Variants in OXSR1 observed in about 807,000 individuals in gnomAD.
The protein encoded by OXSR1 is serine/threonine-protein kinase OSR1.
A neutral mutation model predicts 79.8 loss-of-function variants in OXSR1; 24 were observed. The ratio of observed to expected loss-of-function variants is 0.30; its 90% CI spans 0.22 to 0.42. OXSR1 has a LOEUF of 0.42. Among genes scored for constraint, OXSR1 ranks in the 10% least tolerant of loss-of-function variants. OXSR1 has a pLI of 1.00. For missense variants in OXSR1, 430 were observed against 618.4 expected (o/e 0.70, Z 3.23); for synonymous variants, 226 against 209.2 (o/e 1.08, Z -0.69).
At chr3:38,244,693 A>G (rs371243858) in intron 12 of OXSR1, among the ~76,000 whole-genome samples, 13 of 119,740 alleles carry the variant, frequency 1.1e-4, no homozygotes, top group Non-Finnish European at 1.7e-4. Context: ...CATTTTATTC[A>G]TCTGTCAGTG....
chr3:38,244,939 C>T (rs1456650615), intron 12 of OXSR1, among the ~76,000 whole-genome samples: 1 of 152,054 alleles, frequency 6.6e-6, no homozygotes, highest in Non-Finnish European at 1.5e-5. Context: ...TCTGTGCATC[C>T]TCTCATTACT....
chr3:38,236,303 GAACACATGTTCAAGAGATGAATGTCCAA>G (rs1488521693), intron 10 of OXSR1, among the ~76,000 whole-genome samples: 2 of 152,090 alleles, frequency 1.3e-5, no homozygotes, highest in East Asian at 3.8e-4. Context: ...ATAATGATAG[GAACACATGTTCAAGAGATGAATGTCCAA>G]AAAAGATTAG....
intron 11 of OXSR1, among the ~76,000 whole-genome samples, chr3:38,240,649 T>A (rs1703013299): frequency 6.8e-6 from 1 of 148,078 alleles, no homozygotes; most frequent in Non-Finnish European, 1.5e-5. Flanking sequence ...GCAGGGAAAA[T>A]ATAAGGGGAA....
intron 1 of OXSR1, among the ~76,000 whole-genome samples, chr3:38,166,983 A>G (rs1459589753): frequency 6.6e-6 from 1 of 152,050 alleles, no homozygotes; most frequent in East Asian, 1.9e-4. Flanking sequence ...CCTCGGGAAG[A>G]TTTTTCCTTA....
intron 8 of OXSR1, among the ~76,000 whole-genome samples, chr3:38,229,311 C>T (rs1357426376): frequency 1.3e-5 from 2 of 151,554 alleles, no homozygotes; most frequent in South Asian, 2.1e-4. Context: ...TATTTTTATG[C>T]CTTGCTAAAA....
Position 38,212,706 on chromosome 3 carries a change from G to A in OXSR1, c.435-3390G>A, listed in dbSNP as rs559829459. ...TTTAGAAGGAGTGTGTAACTTTGGG[G>A]CAACAGTGACATGTGAGAAATGACA... On this transcript the variant is annotated intron_variant, in intron 4 of 17. Transcript: ENST00000311806. Among the ~76,000 whole-genome samples the A allele has an allele frequency of 1.1e-4, 17 of 152,226 alleles. No homozygotes were observed. The South Asian group carries it at 3.5e-3, about 32-fold the overall frequency.
At chr3:38,230,129 A>G (rs1338809737) in intron 9 of OXSR1, among the ~76,000 whole-genome samples, 1 of 152,190 alleles carries the variant, frequency 6.6e-6, no homozygotes, top group Non-Finnish European at 1.5e-5. Flanking sequence ...CAGTACAGCA[A>G]ACTCTTCATA....
At chr3:38,168,079 T>G (rs1200529432) in intron 1 of OXSR1, among the ~76,000 whole-genome samples, 1 of 151,912 alleles carries the variant, frequency 6.6e-6, no homozygotes, top group Non-Finnish European at 1.5e-5. Context: ...CAAAAGGGAG[T>G]CTCTCAGTCT....
chr3:38,208,995 CG>C (rs1702327569), intron 4 of OXSR1, among the ~76,000 whole-genome samples: 2 of 150,976 alleles, frequency 1.3e-5, no homozygotes, highest in African/African-American at 4.9e-5. Flanking sequence ...TGCGCGCGCG[CG>C]TGCGCGCATG....
At chr3:38,168,313 C>T (rs1444124770) in intron 1 of OXSR1, among the ~76,000 whole-genome samples, 2 of 152,162 alleles carry the variant, frequency 1.3e-5, no homozygotes, top group African/African-American at 4.8e-5. Flanking sequence ...ATATTTCCAT[C>T]ATCCCCGTGA....
At position 38,214,306 on chromosome 3, in the gene OXSR1, T is replaced by G. The variant is rs532617870; in HGVS notation, c.435-1790T>G. 1.1e-4 allele frequency among the ~76,000 whole-genome samples: 17 copies of G among 152,258 alleles called. No homozygotes were observed. In the East Asian group the frequency reaches 2.9e-3, roughly 26 times the overall value. Reference sequence around the variant, plus strand: ...CTCTTCCTATTTGCAGAATGCTTCCTGTATACTAATAATAATGCTAAGTAA... The same window carrying G: ...CTCTTCCTATTTGCAGAATGCTTCCGGTATACTAATAATAATGCTAAGTAA... On this transcript the variant is annotated intron_variant, in intron 4 of 17. Transcript: ENST00000311806.
intron 2 of OXSR1, among the ~76,000 whole-genome samples, chr3:38,186,801 G>GTT (rs1701894180): frequency 6.6e-6 from 1 of 152,120 alleles, no homozygotes; most frequent in Non-Finnish European, 1.5e-5. Flanking sequence ...GTACATTTGT[G>GTT]TTTTATTATC....
chr3:38,211,517 T>C (rs915264000), intron 4 of OXSR1, among the ~76,000 whole-genome samples: 3 of 152,268 alleles, frequency 2.0e-5, no homozygotes, highest in Admixed American at 6.5e-5. Flanking sequence ...CAATTAGGTC[T>C]TAAATGTTTT....
chr3:38,193,156 A>G, intron 3 of OXSR1: 6 of 560,824 alleles, frequency 1.1e-5, no homozygotes, highest in South Asian at 1.0e-4. Flanking sequence ...ATACATGTAA[A>G]TCATCCACCA....
intron 1 of OXSR1, among the ~76,000 whole-genome samples, chr3:38,174,621 A>AAT (rs1701645330): frequency 6.6e-6 from 1 of 152,094 alleles, no homozygotes; most frequent in Non-Finnish European, 1.5e-5. Context: ...CAATATGAAG[A>AAT]ATAGTTTTAT....
intron 4 of OXSR1, among the ~76,000 whole-genome samples, chr3:38,202,408 G>A (rs1442238765): frequency 2.6e-5 from 4 of 152,168 alleles, no homozygotes; most frequent in Non-Finnish European, 5.9e-5. Flanking sequence ...TTTAGAGACA[G>A]ATTCTCTGTC....
In OXSR1 at chr3:38,192,580, A is replaced by G. The variant is rs1185413136; in HGVS notation, c.292+1741A>G. 3.3e-5 allele frequency among the ~76,000 whole-genome samples: 5 copies of G among 152,258 alleles called. 1 individual carries two copies. Among genetic ancestry groups the G allele is most frequent in the Admixed American group, 2.6e-4 (4 of 15,286 alleles). ...ACACAAAATCTTGGTACGCAATATT[A>G]ACATAATTACTTAAGTGCTTTATCT... On this transcript the variant is annotated intron_variant, in intron 3 of 17. Coordinates refer to ENST00000311806, the MANE Select transcript of OXSR1 (RefSeq NM_005109.3).
intron 5 of OXSR1, among the ~76,000 whole-genome samples, chr3:38,217,590 C>T (rs1702508127): frequency 6.6e-6 from 1 of 152,022 alleles, no homozygotes; most frequent in Non-Finnish European, 1.5e-5. Flanking sequence ...TGCAGTGGTG[C>T]ACTCTTGGCT....
intron 1 of OXSR1, among the ~76,000 whole-genome samples, 185 bp downstream of exon 1, chr3:38,166,131 G>A (rs965034299): frequency 5.3e-5 from 8 of 151,826 alleles, no homozygotes; most frequent in African/African-American, 1.9e-4. Context: ...GGGTTTTGAG[G>A]CGCGCGCCTG....
Sources: gnomAD v4.1 joint callset for allele counts (sites outside exome capture counted in the v4.1 genomes callset) on GRCh38, gnomAD v4.1.1 for gene constraint, MANE v1.5 for transcripts, NCBI Gene and HGNC (gene_info 2026-07-23, HGNC 2026-07-21) for gene names.